The following TEC variants were observed in gnomAD, a reference collection of about 807,000 sequenced individuals.
TEC encodes tec protein tyrosine kinase.
TEC carries 72 observed loss-of-function variants against 93.0 expected under a neutral mutation model. That is an observed-to-expected ratio of 0.77 (90% CI 0.64 to 0.94). The LOEUF is 0.94. Among genes scored for constraint, TEC ranks in the 40% least tolerant of loss-of-function variants. TEC has a pLI of 0.00. For synonymous variants in TEC, 249 were observed against 247.7 expected (o/e 1.01, Z -0.05); for missense variants, 630 against 757.9 (o/e 0.83, Z 1.98).
chr4:48,263,950 G>A (rs1724567006), intron 1 of TEC, among the ~76,000 whole-genome samples: 1 of 152,110 alleles, frequency 6.6e-6, no homozygotes, highest in Non-Finnish European at 1.5e-5. Flanking sequence ...ATGACTGAAT[G>A]GTGCCAGTCT....
intron 2 of TEC, among the ~76,000 whole-genome samples, chr4:48,179,497 T>C (rs1248503889): frequency 6.7e-6 from 1 of 149,094 alleles, no homozygotes; most frequent in Non-Finnish European, 1.5e-5. Context: ...CAAGCAATTA[T>C]CCTGCCTTAG....
At chr4:48,169,962 GCTTTTCAAAGCTGCTGA>G (rs1411136408) in intron 5 of TEC, among the ~76,000 whole-genome samples, 1 of 152,166 alleles carries the variant, frequency 6.6e-6, no homozygotes, top group Non-Finnish European at 1.5e-5. Flanking sequence ...GAACATTAAT[GCTTTTCAAAGCTGCTGA>G]CAGTGCCACA....
intron 1 of TEC, among the ~76,000 whole-genome samples, chr4:48,255,960 A>G (rs969390163): frequency 2.0e-5 from 3 of 152,360 alleles, no homozygotes; most frequent in African/African-American, 7.2e-5. Flanking sequence ...AACTGAGGAC[A>G]CAATGCAGAG....
Position 48,149,557 on chromosome 4 carries a change from CT to C in TEC, c.1005del (p.Gly336AspfsTer12), listed in dbSNP as rs767160506. Reference sequence around the variant, plus strand: ...AAGTAGGTTTTCACAGCTCACTTACCTGCTGCATTGTGCTTATGATATTCAA... The same window carrying C: ...AAGTAGGTTTTCACAGCTCACTTACCGCTGCATTGTGCTTATGATATTCAA... ...EIIEYHKHNA[A>X]GLVTRLRYPV... On this transcript the variant is annotated frameshift_variant and splice_region_variant, in exon 11 of 18. Transcript: ENST00000381501. LOFTEE classifies it high-confidence loss of function. 1.3e-6 allele frequency: 2 copies of C among 1,597,922 alleles called. No individual in the cohort carries two copies. Among genetic ancestry groups the C allele is most frequent in the Admixed American group, 3.5e-5 (2 of 56,494 alleles).
intron 7 of TEC, 66 bp downstream of exon 7, chr4:48,167,712 A>G: frequency 6.8e-7 from 1 of 1,463,760 alleles, no homozygotes; most frequent in Non-Finnish European, 9.5e-7. Flanking sequence ...CGACTTATCT[A>G]CTTCTCACTC....
At chr4:48,205,896 T>C (rs1343882431) in intron 2 of TEC, among the ~76,000 whole-genome samples, 12 of 152,198 alleles carry the variant, frequency 7.9e-5, no homozygotes, top group Non-Finnish European at 1.5e-5. Flanking sequence ...AATATTCATA[T>C]CGGTTCTATT....
chr4:48,175,344 A>G (rs1376252202), intron 3 of TEC, among the ~76,000 whole-genome samples: 2 of 152,254 alleles, frequency 1.3e-5, no homozygotes, highest in Admixed American at 1.3e-4. Context: ...CTTTCAGGAC[A>G]TGGTGAGACC....
chr4:48,141,206 T>G lies in TEC; in HGVS notation c.1535+149A>C, dbSNP rs1577692293. The stretch of plus-strand genomic sequence containing the variant: ...CTATACTACCACCTAGTGGAGAGAA[T>G]TACTACCATCACAATATATACTTAA... On this transcript the variant is annotated intron_variant, in intron 15 of 17. Coordinates refer to ENST00000381501, the MANE Select transcript of TEC (RefSeq NM_003215.3). The G allele has an allele frequency of 1.7e-5, 11 of 660,348 alleles. No individual in the cohort carries two copies. The East Asian group carries it at 3.0e-4, about 18-fold the overall frequency. The allele number at this position is 660,348 out of a possible 1,614,324, so 40.9% of individuals were successfully genotyped here. A position where few individuals can be genotyped will look rare whatever the true frequency, so the allele number is the denominator to read the frequency against.
chr4:48,200,242 T>C (rs1722455545), intron 2 of TEC, among the ~76,000 whole-genome samples: 1 of 136,012 alleles, frequency 7.4e-6, no homozygotes, highest in African/African-American at 2.8e-5. Flanking sequence ...GGGAAGGAGG[T>C]GGTACCTTCG....
chr4:48,168,679 T>C (rs1720975876), intron 5 of TEC, 53 bp from the exon 6 acceptor site: 1 of 1,575,932 alleles, frequency 6.3e-7, no homozygotes, highest in South Asian at 1.2e-5. Context: ...CAATAATTGA[T>C]AAAAATAAGA....
Position 48,170,322 on chromosome 4 carries a change from T to C in TEC, c.380A>G (p.Asp127Gly). The C allele has an allele frequency of 1.3e-6, 2 of 1,524,784 alleles. No homozygotes were observed. The highest frequency in any genetic ancestry group is 1.8e-6 in the Non-Finnish European group (2 of 1,100,756). The allele number at this position is 1,524,784 out of a possible 1,614,324, so 94.5% of individuals were successfully genotyped here. ...MIKYHPKFWT[D>G]GSYQCCRQTE... ...TTGTCTACAACACTGATAACTTCCATCTGTCCAGAATTTAGGATGATATTT... is the reference window on the plus strand; with the variant it reads ...TTGTCTACAACACTGATAACTTCCACCTGTCCAGAATTTAGGATGATATTT... The change falls in exon 5 of 18, where the codon GAT becomes GGT. Residue 127 changes from aspartate to glycine, a missense_variant. This residue lies in a region of TEC where 335 missense variants were observed against 351.5 expected (regional missense o/e 0.95). Coordinates refer to ENST00000381501, the MANE Select transcript of TEC (RefSeq NM_003215.3).
chr4:48,244,599 T>C (rs1460845262), intron 1 of TEC, among the ~76,000 whole-genome samples: 1 of 152,252 alleles, frequency 6.6e-6, no homozygotes, highest in East Asian at 1.9e-4. Context: ...AAACCCAAAA[T>C]GACTTCTTTC....
At chr4:48,149,902 T>C (rs139923563) in intron 10 of TEC, among the ~76,000 whole-genome samples, 27 of 152,340 alleles carry the variant, frequency 1.8e-4, no homozygotes, top group African/African-American at 6.5e-4. Flanking sequence ...ACTTGGCCCT[T>C]TGCATGAGAT....
chr4:48,145,170 T>C lies in TEC; in HGVS notation c.1379A>G (p.His460Arg). 1 of 1,614,178 alleles carries C rather than the reference T, an allele frequency of 6.2e-7. No homozygotes were observed. The highest frequency in any genetic ancestry group is 8.5e-7 in the Non-Finnish European group (1 of 1,180,030). ...LLNFLRQRQG[H>R]FSRDVLLSMC... is the part of the protein sequence containing the mutation. ...GCTCAGCAGTACGTCTCTACTGAAATGACCTTGTCTCTGTCGGAGGAAATT... is the reference window on the plus strand; with the variant it reads ...GCTCAGCAGTACGTCTCTACTGAAACGACCTTGTCTCTGTCGGAGGAAATT... Residue 460 changes from histidine (H) to arginine (R), a missense_variant, in exon 14 of 18, where the codon CAT (histidine) becomes CGT (arginine). This residue lies in a region of TEC where 289 missense variants were observed against 390.0 expected (regional missense o/e 0.74). Transcript: ENST00000381501.
At chr4:48,169,696 G>A (rs549643785) in intron 5 of TEC, among the ~76,000 whole-genome samples, 19 of 152,278 alleles carry the variant, frequency 1.2e-4, no homozygotes, top group South Asian at 2.1e-4. Context: ...CAATCTCCAC[G>A]TATTTTTAGC....
intron 7 of TEC, among the ~76,000 whole-genome samples, chr4:48,166,883 C>T (rs948099074): frequency 2.0e-5 from 3 of 151,610 alleles, no homozygotes; most frequent in Non-Finnish European, 4.4e-5. Flanking sequence ...CCCGCCTAAA[C>T]TAGAGGTTTC....
At position 48,178,774 on chromosome 4, in the gene TEC, C is replaced by A. The variant is rs893084646; in HGVS notation, c.139-2588G>T. ...ACCCTGCCTACAGACGCATTCAGGG[C>A]TCTCCTATCCAAACCGGGAAGCATG... On this transcript the variant is annotated intron_variant, in intron 2 of 17. Coordinates refer to ENST00000381501, the MANE Select transcript of TEC (RefSeq NM_003215.3). Among the ~76,000 whole-genome samples, 11 of 152,242 alleles carry A rather than the reference C, an allele frequency of 7.2e-5. No individual in the cohort carries two copies. The East Asian group carries it at 1.5e-3, about 21-fold the overall frequency.
At chr4:48,229,233 T>C (rs1410947296) in intron 1 of TEC, among the ~76,000 whole-genome samples, 1 of 152,174 alleles carries the variant, frequency 6.6e-6, no homozygotes, top group Non-Finnish European at 1.5e-5. Context: ...AGAGTTCTCT[T>C]CCCTATGGCT....
At chr4:48,225,775 C>T (rs548950489) in intron 2 of TEC, among the ~76,000 whole-genome samples, 1 of 151,264 alleles carries the variant, frequency 6.6e-6, no homozygotes, top group Non-Finnish European at 1.5e-5. Flanking sequence ...AAATCTGTGA[C>T]CACATTTCAA....
Sources: gnomAD v4.1 joint callset for allele counts (sites outside exome capture counted in the v4.1 genomes callset) on GRCh38, gnomAD v4.1.1 for gene constraint, gnomAD v4.1.1 regional missense constraint, MANE v1.5 for transcripts, NCBI Gene and HGNC (gene_info 2026-07-23, HGNC 2026-07-21) for gene names.